Variants in WDR37 observed in about 807,000 individuals in gnomAD.
WDR37 encodes WD repeat domain 37.
Under a neutral mutation model 62.9 loss-of-function variants are expected in WDR37, and 19 were observed. The observed-to-expected ratio is 0.30, with a 90% CI of 0.21 to 0.44. The LOEUF (loss-of-function observed/expected upper bound fraction) is 0.44, where lower values mean the gene tolerates loss of function less well. WDR37 is among the 20% of genes least tolerant of loss of function. WDR37 has a pLI of 1.00. For missense variants in WDR37, 474 were observed against 657.6 expected, an observed-to-expected ratio of 0.72 and a Z score of 3.05; for synonymous variants, 250 against 260.9, an observed-to-expected ratio of 0.96 and a Z score of 0.40.
At chr10:1,090,872 G>T (rs1332398202) in intron 7 of WDR37, among the ~76,000 whole-genome samples, 1 of 152,194 alleles carries the variant, frequency 6.6e-6, no homozygotes. Context: ...TGTGGATTGG[G>T]TCAGGTGCCC....
intron 11 of WDR37, among the ~76,000 whole-genome samples, chr10:1,122,187 C>A (rs1282969689): frequency 6.6e-6 from 1 of 151,970 alleles, no homozygotes; most frequent in Non-Finnish European, 1.5e-5. Context: ...ATGGACTGGA[C>A]CTCGATGAGG....
rs992049789 is a variant in WDR37 at position 1,126,301 on chromosome 10, G to T, written c.1353+1277G>T. ...GGCGTCTGTAGTCCCAGCTACTCGGGAGGCTGAGGCAGGAGAATGGCGTGA... is the reference window on the plus strand; with the variant it reads ...GGCGTCTGTAGTCCCAGCTACTCGGTAGGCTGAGGCAGGAGAATGGCGTGA... On this transcript the variant is annotated intron_variant, in intron 13 of 13. Transcript: ENST00000263150. 2.0e-5 allele frequency among the ~76,000 whole-genome samples: 3 copies of T among 151,354 alleles called. No homozygotes were observed. The East Asian group carries it at 5.8e-4, about 29-fold the overall frequency.
At chr10:1,116,125 C>G (rs2131680248) in intron 11 of WDR37, among the ~76,000 whole-genome samples, 1 of 152,264 alleles carries the variant, frequency 6.6e-6, no homozygotes. Context: ...TTGCACGCAC[C>G]AGGCAACCTC....
chr10:1,089,169 G>C (rs1332241125), intron 7 of WDR37, among the ~76,000 whole-genome samples: 1 of 151,992 alleles, frequency 6.6e-6, no homozygotes. Context: ...CTTTCTGCTT[G>C]GTGTCCGCCC....
At chr10:1,117,274 C>T (rs917188765) in intron 11 of WDR37, among the ~76,000 whole-genome samples, 3 of 152,100 alleles carry the variant, frequency 2.0e-5, no homozygotes, top group Admixed American at 2.0e-4. Flanking sequence ...AGGCTGCTCT[C>T]GAAATCTTGG....
rs1208458005 is a variant in WDR37 at position 1,131,314 on chromosome 10, T to C, written c.*1970T>C. Reference sequence around the variant, plus strand: ...GGTTCCTCGGAGTTTAATTTGAAAGTCTGGGTGTCTTAGGATGATGGTTAG... The same window carrying C: ...GGTTCCTCGGAGTTTAATTTGAAAGCCTGGGTGTCTTAGGATGATGGTTAG... On this transcript the variant is annotated 3_prime_UTR_variant, in exon 14 of 14. Transcript: ENST00000263150. 6.6e-6 allele frequency: 1 copy of C among 152,252 alleles called. No individual in the cohort carries two copies. The highest frequency in any genetic ancestry group is 1.9e-4 in the East Asian group (1 of 5,192). 9.4% of individuals were successfully genotyped at this position (152,252 alleles called of 1,614,324 possible).
intron 11 of WDR37, 25 bp from the exon 12 acceptor site, chr10:1,124,193 C>G (rs1396723390): frequency 2.5e-6 from 4 of 1,613,772 alleles, no homozygotes; most frequent in Non-Finnish European, 2.5e-6. Context: ...GCTGTTGCAT[C>G]TGACTCTGTG....
At chr10:1,070,763 A>G (rs1255331480) in intron 1 of WDR37, among the ~76,000 whole-genome samples, 1 of 152,206 alleles carries the variant, frequency 6.6e-6, no homozygotes, top group African/African-American at 2.4e-5. Flanking sequence ...ACTCTCTTCT[A>G]TGTGTAGATA....
rs1363111945 is a variant in WDR37 at position 1,131,686 on chromosome 10, G to GTGTGTA, written c.*2347_*2348insATGTGT. 5.7e-5 allele frequency: 4 copies of GTGTGTA among 69,710 alleles called. No individual in the cohort carries two copies. The highest frequency in any genetic ancestry group is 1.6e-4 in the African/African-American group (4 of 25,592). The allele number at this position is 69,710 out of a possible 1,614,324, so 4.3% of individuals were successfully genotyped here. A position where few individuals can be genotyped will look rare whatever the true frequency, so the allele number is the denominator to read the frequency against. Reference sequence around the variant, plus strand: ...AGTCACAGACAAGATCGGGGATGGTGTGTGTGTGTGTGTGTGTGTGTGTGT... The same window carrying GTGTGTA: ...AGTCACAGACAAGATCGGGGATGGTGTGTGTATGTGTGTGTGTGTGTGTGTGTGTGT... On this transcript the variant is annotated 3_prime_UTR_variant, in exon 14 of 14. Transcript: ENST00000263150.
At position 1,098,757 on chromosome 10, in the gene WDR37, T is replaced by C. The variant is rs573383482; in HGVS notation, c.726+2511T>C. Reference sequence around the variant, plus strand: ...GTCATGGACTTAGAGTCTCCAGAACTGGAAGATGACTAATTTCTGTTTTTG... The same window carrying C: ...GTCATGGACTTAGAGTCTCCAGAACCGGAAGATGACTAATTTCTGTTTTTG... On this transcript the variant is annotated intron_variant, in intron 9 of 13. Transcript: ENST00000263150. 3.9e-5 allele frequency among the ~76,000 whole-genome samples: 6 copies of C among 152,340 alleles called. No homozygotes were observed. The East Asian group carries it at 7.7e-4, about 20-fold the overall frequency.
chr10:1,123,166 TATTA>T (rs1290942702), intron 11 of WDR37, among the ~76,000 whole-genome samples: 9 of 152,206 alleles, frequency 5.9e-5, no homozygotes, highest in Non-Finnish European at 1.0e-4. Flanking sequence ...AAAAGAAAAC[TATTA>T]ATTATTATTT....
intron 13 of WDR37, 172 bp downstream of exon 13, chr10:1,125,196 C>T (rs1005853119): frequency 3.9e-5 from 28 of 723,442 alleles, no homozygotes; most frequent in African/African-American, 3.5e-4. Flanking sequence ...GTTGTACACT[C>T]AAGTTATTCC....
chr10:1,110,662 C>T (rs574402772), intron 11 of WDR37, among the ~76,000 whole-genome samples: 1 of 152,348 alleles, frequency 6.6e-6, no homozygotes, highest in African/African-American at 2.4e-5. Flanking sequence ...TCCGTTTGGT[C>T]ACTTGTCTGG....
In WDR37 at chr10:1,105,745, T is replaced by C. The variant is rs1174624744; in HGVS notation, c.1103+478T>C. On this transcript the variant is annotated intron_variant, in intron 11 of 13. Transcript: ENST00000263150. This position sits in a 1 kb window ranked among gnomAD's most constrained non-coding sequence, Gnocchi z 5.3. ...ACACAGACATAGACCCTCAATCCAG[T>C]GTGTCCCTCTCTGCTTGGGTTTCTC... 6.6e-6 allele frequency among the ~76,000 whole-genome samples: 1 copy of C among 152,002 alleles called. No homozygotes were observed. Among genetic ancestry groups the C allele is most frequent in the Non-Finnish European group, 1.5e-5 (1 of 68,018 alleles).
intron 1 of WDR37, among the ~76,000 whole-genome samples, chr10:1,064,112 G>A (rs980914403): frequency 6.6e-6 from 1 of 152,146 alleles, no homozygotes; most frequent in African/African-American, 2.4e-5. Flanking sequence ...AATACAGGAT[G>A]TAAAAAAGAA....
At chr10:1,096,459 A>C (rs1834580194) in intron 9 of WDR37, 6 of 589,840 alleles carry the variant, frequency 1.0e-5, no homozygotes, top group Admixed American at 2.9e-5. Flanking sequence ...AAGAGGAGAC[A>C]GTGGAGAGCT....
At chr10:1,118,045 C>T (rs1835461585) in intron 11 of WDR37, among the ~76,000 whole-genome samples, 1 of 48,316 alleles carries the variant, frequency 2.1e-5, no homozygotes, top group East Asian at 6.9e-4. Context: ...CACTCAGCCA[C>T]CCTCAGCCAG....
intron 1 of WDR37, among the ~76,000 whole-genome samples, chr10:1,063,174 C>G (rs1374250088): frequency 6.6e-6 from 1 of 151,972 alleles, no homozygotes; most frequent in African/African-American, 2.4e-5. Flanking sequence ...AAACTTAGTT[C>G]TGTGAGTTTT....
At chr10:1,120,685 C>T (rs1180413021) in intron 11 of WDR37, among the ~76,000 whole-genome samples, 6 of 152,196 alleles carry the variant, frequency 3.9e-5, no homozygotes, top group Non-Finnish European at 8.8e-5. Flanking sequence ...GAACACATTA[C>T]CTTGAGGAAG....
Sources: gnomAD v4.1 joint callset for allele counts (sites outside exome capture counted in the v4.1 genomes callset) on GRCh38, gnomAD v4.1.1 for gene constraint, Gnocchi (gnomAD v3.1) non-coding constraint, MANE v1.5 for transcripts, NCBI Gene and HGNC (gene_info 2026-07-23, HGNC 2026-07-21) for gene names.